The following THSD7A variants were observed in gnomAD, a reference collection of about 807,000 sequenced individuals.
The protein encoded by THSD7A is thrombospondin type-1 domain-containing protein 7A.
THSD7A carries 96 observed loss-of-function variants against 231.3 expected under a neutral mutation model. The ratio of observed to expected loss-of-function variants is 0.41; its 90% confidence interval spans 0.35 to 0.49. THSD7A has a LOEUF of 0.49. THSD7A is among the 20% of genes least tolerant of loss of function. THSD7A has a pLI of 0.05. For synonymous variants in THSD7A, 940 were observed against 743.3 expected (o/e 1.26, Z -4.30); for missense variants, 2,290 against 2,070.2 (o/e 1.11, Z -2.06).
intron 4 of THSD7A, among the ~76,000 whole-genome samples, chr7:11,581,390 A>G (rs1438871205): frequency 6.6e-6 from 1 of 152,132 alleles, no homozygotes; most frequent in Non-Finnish European, 1.5e-5. Context: ...CTTTATTAGT[A>G]CATCATCCAT....
chr7:11,829,229 A>G (rs1785118706), intron 1 of THSD7A, among the ~76,000 whole-genome samples: 1 of 152,100 alleles, frequency 6.6e-6, no homozygotes, highest in Non-Finnish European at 1.5e-5. Context: ...CAGGACCCCT[A>G]ATCTGTGCAT....
chr7:11,570,514 G>T (rs75619920), intron 4 of THSD7A, among the ~76,000 whole-genome samples: 2,545 of 152,218 alleles, frequency 0.017, 76 homozygotes, highest in African/African-American at 0.058. Context: ...ACAAAGAAAT[G>T]ATAAATGTCT....
intron 11 of THSD7A, among the ~76,000 whole-genome samples, chr7:11,453,715 T>C (rs893775636): frequency 2.0e-5 from 3 of 152,154 alleles, no homozygotes; most frequent in East Asian, 1.9e-4. Context: ...GTGATATGTC[T>C]ACCTTGAATC....
chr7:11,809,275 ATTG>A (rs1784469951), intron 1 of THSD7A, among the ~76,000 whole-genome samples: 1 of 152,140 alleles, frequency 6.6e-6, no homozygotes. Flanking sequence ...AAAATAGAGT[ATTG>A]TTGTTAAAGT....
intron 4 of THSD7A, among the ~76,000 whole-genome samples, chr7:11,566,373 G>A (rs532225946): frequency 9.8e-5 from 15 of 152,294 alleles, no homozygotes; most frequent in East Asian, 5.8e-4. Flanking sequence ...CAGAAATTCC[G>A]ATTCACTACA....
chr7:11,742,546 T>C (rs1486186019), intron 1 of THSD7A, among the ~76,000 whole-genome samples: 26 of 151,934 alleles, frequency 1.7e-4, no homozygotes, highest in Non-Finnish European at 3.8e-4. Context: ...TTATGTTGTC[T>C]AATTGATGAA....
intron 1 of THSD7A, among the ~76,000 whole-genome samples, chr7:11,714,012 T>TATTATCACCTATTGC (rs1781049218): frequency 6.6e-6 from 1 of 151,214 alleles, no homozygotes; most frequent in African/African-American, 2.4e-5. Flanking sequence ...CAATAATGCT[T>TATTATCACCTATTGC]TTATTTGTTG....
intron 8 of THSD7A, among the ~76,000 whole-genome samples, chr7:11,470,729 A>G (rs1050505949): frequency 1.3e-5 from 2 of 151,882 alleles, no homozygotes; most frequent in African/African-American, 2.4e-5. Context: ...ATAAATAAAG[A>G]TAGTAAATCA....
chr7:11,773,990 A>T (rs2128172457), intron 1 of THSD7A, among the ~76,000 whole-genome samples: 1 of 152,286 alleles, frequency 6.6e-6, no homozygotes, highest in African/African-American at 2.4e-5. Context: ...CCTAATAATA[A>T]TCGGGAAATT....
chr7:11,471,179 T>A (rs962557933), intron 8 of THSD7A, among the ~76,000 whole-genome samples: 2 of 151,956 alleles, frequency 1.3e-5, no homozygotes, highest in East Asian at 1.9e-4. Context: ...TTATTCTGAT[T>A]CCTAAGCAAT....
chr7:11,389,869 T>TGAA lies in THSD7A; in HGVS notation c.4412-7256_4412-7254dup, dbSNP rs538872701. 1.3e-3 allele frequency among the ~76,000 whole-genome samples: 192 copies of TGAA among 152,346 alleles called. 1 individual carries two copies. Among genetic ancestry groups the TGAA allele is most frequent in the Middle Eastern group, 0.01 (3 of 294 alleles). ...AAGAATTTTATTTCTCTTTCACTTA[T>TGAA]GAAGCTTAGTTTGGCTGGATATGAA... On this transcript the variant is annotated intron_variant, in intron 23 of 27. Coordinates refer to ENST00000423059, the MANE Select transcript of THSD7A (RefSeq NM_015204.3).
intron 27 of THSD7A, 90 bp downstream of exon 27, chr7:11,376,479 TA>T: frequency 2.0e-6 from 2 of 977,606 alleles, no homozygotes; most frequent in Non-Finnish European, 3.0e-6. Flanking sequence ...GAACACCAGA[TA>T]AATGTAGAGT....
chr7:11,831,735 A>G lies in THSD7A; in HGVS notation c.190+22T>C, dbSNP rs762607665. On this transcript the variant is annotated intron_variant, in intron 1 of 27. Coordinates refer to ENST00000423059, the MANE Select transcript of THSD7A (RefSeq NM_015204.3). This position sits in a 1 kb window ranked among gnomAD's most constrained non-coding sequence, Gnocchi z 5.0. Reference sequence around the variant, plus strand: ...TGGCCCCAGATGTGAAGATGGGGAAAGGGTAACTCCGTCCCACTTACCAGT... The same window carrying G: ...TGGCCCCAGATGTGAAGATGGGGAAGGGGTAACTCCGTCCCACTTACCAGT... 3.6e-6 allele frequency: 5 copies of G among 1,403,004 alleles called. No homozygotes were observed. In the South Asian group the frequency reaches 8.9e-5, roughly 25 times the overall value. 86.9% of individuals were successfully genotyped at this position (1,403,004 alleles called of 1,614,324 possible).
At chr7:11,583,371 G>A (rs948278761) in intron 4 of THSD7A, among the ~76,000 whole-genome samples, 4 of 151,988 alleles carry the variant, frequency 2.6e-5, no homozygotes, top group Non-Finnish European at 4.4e-5. Context: ...CCACCTCCTG[G>A]GCTCAAGAGA....
chr7:11,478,293 C>G (rs1786278772), intron 7 of THSD7A, among the ~76,000 whole-genome samples: 1 of 152,348 alleles, frequency 6.6e-6, no homozygotes, highest in South Asian at 2.1e-4. Flanking sequence ...CTGGAATTCT[C>G]TCTTGACCCA....
At position 11,736,250 on chromosome 7, in the gene THSD7A, T is replaced by C. The variant is rs1215254153; in HGVS notation, c.190+95507A>G. Among the ~76,000 whole-genome samples, 6 of 152,026 alleles carry C rather than the reference T, an allele frequency of 3.9e-5. No homozygotes were observed. In the East Asian group the frequency reaches 1.2e-3, roughly 29 times the overall value. On this transcript the variant is annotated intron_variant, in intron 1 of 27. Transcript: ENST00000423059. ...ATAATAATTAGCTATAAAAATAAAC[T>C]AGGTCCACATGATAGGAGTAAGAGC... is the stretch of plus-strand genomic sequence containing the variant.
intron 6 of THSD7A, among the ~76,000 whole-genome samples, chr7:11,530,777 G>A (rs576157460): frequency 3.9e-5 from 6 of 152,194 alleles, no homozygotes; most frequent in East Asian, 1.9e-4. Flanking sequence ...TTGGGAGGCC[G>A]AGGTGGGCAG....
At chr7:11,473,772 G>GT (rs1786034622) in intron 8 of THSD7A, among the ~76,000 whole-genome samples, 3 of 152,024 alleles carry the variant, frequency 2.0e-5, no homozygotes, top group Non-Finnish European at 4.4e-5. Context: ...GAAAATGATA[G>GT]TTTTTCTACT....
chr7:11,531,444 C>T (rs930559678), intron 6 of THSD7A, among the ~76,000 whole-genome samples: 1 of 152,204 alleles, frequency 6.6e-6, no homozygotes, highest in Non-Finnish European at 1.5e-5. Context: ...TCTGCAGCCT[C>T]TTTAAATTCA....
Sources: allele counts gnomAD v4.1 joint callset (sites outside exome capture counted in the v4.1 genomes callset), GRCh38; gene constraint gnomAD v4.1.1; non-coding constraint Gnocchi (gnomAD v3.1); transcripts MANE v1.5; gene names NCBI Gene and HGNC (gene_info 2026-07-23, HGNC 2026-07-21).